The following MYT1L variants were observed in gnomAD, a reference collection of about 807,000 sequenced individuals.
MYT1L encodes myelin transcription factor 1-like protein.
A neutral mutation model predicts 126.7 loss-of-function variants in MYT1L; 12 were observed. The ratio of observed to expected loss-of-function variants is 0.09; its 90% CI spans 0.06 to 0.15. The LOEUF is 0.15. MYT1L is among the 10% of genes least tolerant of loss of function. The pLI, the probability that MYT1L is intolerant of heterozygous loss-of-function variation, is 1.00. For missense variants in MYT1L, 979 were observed against 1,585.2 expected (o/e 0.62, Z 6.49); for synonymous variants, 541 against 604.2 (o/e 0.90, Z 1.53).
At chr2:1,858,072 C>T (rs1466588766) in intron 18 of MYT1L, among the ~76,000 whole-genome samples, 4 of 152,208 alleles carry the variant, frequency 2.6e-5, no homozygotes, top group African/African-American at 7.2e-5. Flanking sequence ...CCATGTGGGC[C>T]AGGCTGGTCT....
At chr2:1,855,867 T>TA (rs571077681) in intron 18 of MYT1L, among the ~76,000 whole-genome samples, 71 of 148,766 alleles carry the variant, frequency 4.8e-4, no homozygotes, top group South Asian at 2.3e-3. Context: ...AAATAAAAAA[T>TA]AAAAAAAAAG....
chr2:2,295,631 C>CAGACAGAGAGAGACAGACAGAG (rs2095668093), intron 1 of MYT1L, among the ~76,000 whole-genome samples: 2 of 34,824 alleles, frequency 5.7e-5, no homozygotes, highest in Non-Finnish European at 1.2e-4. Flanking sequence ...GAGAGACAGA[C>CAGACAGAGAGAGACAGACAGAG]AGACAGAGAG....
rs571026220 is a variant in MYT1L, at chr2:2,046,903, T to C, written c.-158+7075A>G. Among the ~76,000 whole-genome samples the C allele has an allele frequency of 9.2e-5, 14 of 152,336 alleles. No individual in the cohort carries two copies. The South Asian group carries it at 2.7e-3, about 29-fold the overall frequency. On this transcript the variant is annotated intron_variant, in intron 4 of 24. Transcript: ENST00000647738. Reference sequence around the variant, plus strand: ...GTCCACTGAGAGGGAAAGAAAGCCATGACTTAGTGACTCCACTTGGAAGTT... The same window carrying C: ...GTCCACTGAGAGGGAAAGAAAGCCACGACTTAGTGACTCCACTTGGAAGTT...
At chr2:2,301,100 A>G (rs759332761) in intron 1 of MYT1L, among the ~76,000 whole-genome samples, 20 of 152,036 alleles carry the variant, frequency 1.3e-4, no homozygotes, top group Non-Finnish European at 2.6e-4. Flanking sequence ...ATGGAAGCCT[A>G]CGTTCACATT....
At chr2:2,248,889 T>G (rs1401943411) in intron 2 of MYT1L, among the ~76,000 whole-genome samples, 2 of 152,130 alleles carry the variant, frequency 1.3e-5, no homozygotes, top group African/African-American at 4.8e-5. Context: ...AGAAAAGCCA[T>G]GTATGACAGA....
rs571659948 is a variant in MYT1L, at chr2:1,917,817, G to T, written c.1484-478C>A. Among the ~76,000 whole-genome samples the T allele has an allele frequency of 6.6e-6, 1 of 152,312 alleles. No homozygotes were observed. The highest frequency in any genetic ancestry group is 2.1e-4 in the South Asian group (1 of 4,830). Reference sequence around the variant, plus strand: ...GCTCTGATCGCATACACTAGAAGCTGCAGGATTTTACTGACATTGAAATTT... The same window carrying T: ...GCTCTGATCGCATACACTAGAAGCTTCAGGATTTTACTGACATTGAAATTT... On this transcript the variant is annotated intron_variant, in intron 10 of 24. Coordinates refer to ENST00000647738, the MANE Select transcript of MYT1L (RefSeq NM_001303052.2). The surrounding 1 kb of genome is among the most constrained non-coding windows in gnomAD (Gnocchi z 5.9).
At chr2:1,850,710 C>G (rs113352756) in intron 19 of MYT1L, among the ~76,000 whole-genome samples, 1 of 152,122 alleles carries the variant, frequency 6.6e-6, no homozygotes, top group Non-Finnish European at 1.5e-5. Flanking sequence ...CCATCAGTGT[C>G]GGAGCATTTG....
intron 9 of MYT1L, among the ~76,000 whole-genome samples, chr2:1,930,785 T>G (rs1241114406): frequency 6.6e-6 from 1 of 152,226 alleles, no homozygotes; most frequent in Non-Finnish European, 1.5e-5. Flanking sequence ...GTTTTTAAAC[T>G]TTTAGGTTCG....
intron 3 of MYT1L, among the ~76,000 whole-genome samples, chr2:2,125,553 C>T (rs1165291023): frequency 6.6e-6 from 1 of 151,968 alleles, no homozygotes; most frequent in Admixed American, 6.6e-5. Flanking sequence ...TTGTTGAATG[C>T]GTGAGTGGGG....
intron 3 of MYT1L, among the ~76,000 whole-genome samples, chr2:2,117,904 AT>A (rs1040711436): frequency 1.3e-5 from 2 of 151,980 alleles, no homozygotes; most frequent in African/African-American, 2.4e-5. Context: ...AATGCTTCTC[AT>A]TTTTTTAATG....
chr2:1,969,102 G>A (rs1220412187), intron 8 of MYT1L, among the ~76,000 whole-genome samples: 1 of 152,240 alleles, frequency 6.6e-6, no homozygotes, highest in Non-Finnish European at 1.5e-5. Context: ...TCCACGGTAT[G>A]AACAGAAGTG....
At chr2:2,105,126 T>C (rs1250502694) in intron 3 of MYT1L, among the ~76,000 whole-genome samples, 1 of 152,194 alleles carries the variant, frequency 6.6e-6, no homozygotes, top group African/African-American at 2.4e-5. Flanking sequence ...AGTGACTCCA[T>C]TAATCTTCAG....
intron 5 of MYT1L, among the ~76,000 whole-genome samples, chr2:1,988,013 A>G (rs1276638744): frequency 6.6e-6 from 1 of 152,176 alleles, no homozygotes; most frequent in East Asian, 1.9e-4. Context: ...TTGTTCTTTG[A>G]TCTTCCTGAA....
chr2:2,244,564 C>T (rs2094497027), intron 2 of MYT1L, among the ~76,000 whole-genome samples: 1 of 152,138 alleles, frequency 6.6e-6, no homozygotes. Flanking sequence ...GGTGATGAGG[C>T]TTGAAGCCCC....
intron 4 of MYT1L, among the ~76,000 whole-genome samples, chr2:2,003,821 C>T (rs932629754): frequency 1.3e-5 from 2 of 152,214 alleles, no homozygotes; most frequent in South Asian, 2.1e-4. Context: ...GTTCTCATGG[C>T]CCCAGGCCCG....
intron 3 of MYT1L, among the ~76,000 whole-genome samples, chr2:2,082,106 A>T (rs1296593429): frequency 6.6e-6 from 1 of 152,184 alleles, no homozygotes; most frequent in African/African-American, 2.4e-5. Flanking sequence ...GATAGCATCC[A>T]TCAGTAGGGC....
chr2:2,257,441 G>T (rs1163399320), intron 2 of MYT1L, among the ~76,000 whole-genome samples: 1 of 152,138 alleles, frequency 6.6e-6, no homozygotes, highest in Non-Finnish European at 1.5e-5. Flanking sequence ...ACTTTGGGAG[G>T]CTGAAGCGGT....
At position 1,813,899 on chromosome 2, in the gene MYT1L, C is replaced by A. The variant is rs7421464; in HGVS notation, c.3081-4732G>T. Among the ~76,000 whole-genome samples, 24 of 90,822 alleles carry A rather than the reference C, an allele frequency of 2.6e-4. 3 individuals are homozygous for A. The highest frequency in any genetic ancestry group is 9.8e-4 in the Admixed American group (8 of 8,172). 59.6% of individuals were successfully genotyped at this position (90,822 alleles called of 152,430 possible). A position where few individuals can be genotyped will look rare whatever the true frequency, so the allele number is the denominator to read the frequency against. ...AAAATTAGCCGGGCGTGGTAGCGGG[C>A]GCCTGTAGTCCCAGCTACTCGGGAG... On this transcript the variant is annotated intron_variant, in intron 21 of 24. Coordinates refer to ENST00000647738, the MANE Select transcript of MYT1L (RefSeq NM_001303052.2).
At chr2:2,022,703 GAA>G (rs112786973) in intron 4 of MYT1L, among the ~76,000 whole-genome samples, 7 of 134,842 alleles carry the variant, frequency 5.2e-5, no homozygotes, top group Admixed American at 7.5e-5. Flanking sequence ...TTCCTGCTCT[GAA>G]AAAAAAAAAA....
Sources: allele counts gnomAD v4.1 joint callset (sites outside exome capture counted in the v4.1 genomes callset), GRCh38; gene constraint gnomAD v4.1.1; non-coding constraint Gnocchi (gnomAD v3.1); transcripts MANE v1.5; gene names NCBI Gene and HGNC (gene_info 2026-07-23, HGNC 2026-07-21).